The following METTL24 variants were observed in gnomAD, a reference collection of about 807,000 sequenced individuals.
METTL24 encodes the protein probable methyltransferase-like protein 24.
METTL24 carries 29 observed loss-of-function variants against 32.7 expected under a neutral mutation model. The ratio of observed to expected loss-of-function variants is 0.89; its 90% CI spans 0.66 to 1.21. The LOEUF (loss-of-function observed/expected upper bound fraction) is 1.21, where lower values mean the gene tolerates loss of function less well. Ranked by LOEUF, METTL24 falls within the 50% of genes most tolerant of loss-of-function variation. METTL24 has a pLI of 0.00. For synonymous variants in METTL24, 163 were observed against 179.5 expected (o/e 0.91, Z 0.73); for missense variants, 439 against 468.1 (o/e 0.94, Z 0.57).
At chr6:110,266,127 ACTC>A (rs1411720292) in intron 4 of METTL24, among the ~76,000 whole-genome samples, 1 of 151,488 alleles carries the variant, frequency 6.6e-6, no homozygotes, top group Non-Finnish European at 1.5e-5. Context: ...CTGGTCTTGA[ACTC>A]CTGGCATCAA....
At chr6:110,270,623 G>A (rs1770939492) in intron 4 of METTL24, among the ~76,000 whole-genome samples, 1 of 151,960 alleles carries the variant, frequency 6.6e-6, no homozygotes, top group African/African-American at 2.4e-5. Context: ...CCTAAATAAC[G>A]GCTTCCTTCA....
At position 110,246,365 on chromosome 6, in the gene METTL24, T is replaced by C. The variant is rs1584097716; in HGVS notation, c.787-105A>G. ...CTGAAGGAAACAGAATTTTTAAAAT[T>C]TTAGAGCTGAGGGTGGTTTTCAAGT... On this transcript the variant is annotated intron_variant, in intron 4 of 4. Transcript: ENST00000338882. The C allele has an allele frequency of 8.6e-6, 9 of 1,047,952 alleles. No homozygotes were observed. In the East Asian group the frequency reaches 1.8e-4, roughly 21 times the overall value. The allele number at this position is 1,047,952 out of a possible 1,614,324, so 64.9% of individuals were successfully genotyped here.
chr6:110,295,552 T>TA (rs1433963266), intron 4 of METTL24, among the ~76,000 whole-genome samples: 2 of 152,214 alleles, frequency 1.3e-5, no homozygotes, highest in East Asian at 3.8e-4. Context: ...GAATCTCAAT[T>TA]AATTCTCAGC....
intron 2 of METTL24, among the ~76,000 whole-genome samples, chr6:110,321,853 G>A (rs1366317573): frequency 1.3e-5 from 2 of 152,158 alleles, no homozygotes; most frequent in Non-Finnish European, 2.9e-5. Context: ...GAGGAAAAGC[G>A]CTTTGCTGCC....
intron 1 of METTL24, among the ~76,000 whole-genome samples, chr6:110,348,326 A>C (rs553597094): frequency 6.6e-6 from 1 of 152,384 alleles, no homozygotes; most frequent in African/African-American, 2.4e-5. Flanking sequence ...AAGTATGAAA[A>C]TATGAGCCCA....
At chr6:110,267,411 C>G (rs1312463869) in intron 4 of METTL24, among the ~76,000 whole-genome samples, 7 of 152,190 alleles carry the variant, frequency 4.6e-5, no homozygotes, top group African/African-American at 1.7e-4. Flanking sequence ...ATATATCACT[C>G]ATACGATAAC....
chr6:110,250,394 A>T (rs1164091086), intron 4 of METTL24, among the ~76,000 whole-genome samples: 1 of 151,938 alleles, frequency 6.6e-6, no homozygotes, highest in Admixed American at 6.6e-5. Context: ...TTTTATAAGG[A>T]CATCAGTCAG....
chr6:110,306,329 T>C (rs1052539662), intron 3 of METTL24, among the ~76,000 whole-genome samples: 9 of 151,272 alleles, frequency 5.9e-5, no homozygotes, highest in Admixed American at 3.9e-4. Flanking sequence ...AAATAAATAT[T>C]ATTTAAATAA....
intron 1 of METTL24, among the ~76,000 whole-genome samples, chr6:110,346,494 C>T (rs936108232): frequency 2.4e-5 from 2 of 83,326 alleles, no homozygotes; most frequent in Non-Finnish European, 4.8e-5. Context: ...ATATTATTCT[C>T]TCTCTCTCTC....
At chr6:110,290,618 A>G (rs985267906) in intron 4 of METTL24, among the ~76,000 whole-genome samples, 1 of 152,196 alleles carries the variant, frequency 6.6e-6, no homozygotes, top group Admixed American at 6.5e-5. Context: ...ACCCATTCAC[A>G]TATTTACAGA....
chr6:110,342,715 C>G (rs1270313289), intron 1 of METTL24, among the ~76,000 whole-genome samples: 1 of 152,188 alleles, frequency 6.6e-6, no homozygotes, highest in African/African-American at 2.4e-5. Flanking sequence ...TCCCATTCCC[C>G]TCTACCCCCA....
At chr6:110,325,412 T>A (rs1772000273) in intron 1 of METTL24, among the ~76,000 whole-genome samples, 1 of 152,216 alleles carries the variant, frequency 6.6e-6, no homozygotes, top group African/African-American at 2.4e-5. Flanking sequence ...TGTCTTCCAA[T>A]AAAGCTCCAT....
intron 1 of METTL24, among the ~76,000 whole-genome samples, chr6:110,352,215 C>A (rs370932944): frequency 3.9e-5 from 6 of 152,184 alleles, no homozygotes; most frequent in African/African-American, 1.4e-4. Context: ...CATGCCGTCA[C>A]TGAGCTTAGC....
rs117425033 is a variant in METTL24 at position 110,289,576 on chromosome 6, A to C, written c.786+9346T>G. 4.0e-4 allele frequency among the ~76,000 whole-genome samples: 61 copies of C among 152,244 alleles called. No individual in the cohort carries two copies. The East Asian group carries it at 0.011, about 27-fold the overall frequency. On this transcript the variant is annotated intron_variant, in intron 4 of 4. Coordinates refer to ENST00000338882, the MANE Select transcript of METTL24 (RefSeq NM_001123364.3). The stretch of plus-strand genomic sequence containing the variant: ...AAGAATTGGAAGCTAGTAGTGAGGA[A>C]TTTACCCTAACATAGGTCAGAGTGA...
At chr6:110,317,967 G>A (rs934657038) in intron 2 of METTL24, among the ~76,000 whole-genome samples, 3 of 152,148 alleles carry the variant, frequency 2.0e-5, no homozygotes, top group Non-Finnish European at 4.4e-5. Context: ...TAAAGCCCCA[G>A]TGAAAGGTTC....
At chr6:110,287,180 A>G (rs921647679) in intron 4 of METTL24, among the ~76,000 whole-genome samples, 4 of 152,222 alleles carry the variant, frequency 2.6e-5, no homozygotes, top group African/African-American at 9.6e-5. Flanking sequence ...ACATTTTGCT[A>G]CACCTCAAAT....
chr6:110,284,483 A>C (rs1771186469), intron 4 of METTL24, among the ~76,000 whole-genome samples: 1 of 152,132 alleles, frequency 6.6e-6, no homozygotes, highest in African/African-American at 2.4e-5. Flanking sequence ...TATTGGATGG[A>C]TGAATAGATG....
chr6:110,357,919 G>A lies in METTL24; in HGVS notation c.318+36C>T, dbSNP rs376063094. The A allele has an allele frequency of 1.5e-4, 174 of 1,176,900 alleles. No homozygotes were observed. In the African/African-American group the frequency reaches 2.4e-3, roughly 16 times the overall value. The allele number at this position is 1,176,900 out of a possible 1,614,324, so 72.9% of individuals were successfully genotyped here. A position where few individuals can be genotyped will look rare whatever the true frequency, so the allele number is the denominator to read the frequency against. On this transcript the variant is annotated intron_variant, in intron 1 of 4. Transcript: ENST00000338882. Reference sequence around the variant, plus strand: ...GTAGCGCGGTCGGGAGGGGGCTTCTGGTCCCAGGCCCAAGACCGACCGCTT... The same window carrying A: ...GTAGCGCGGTCGGGAGGGGGCTTCTAGTCCCAGGCCCAAGACCGACCGCTT...
intron 2 of METTL24, among the ~76,000 whole-genome samples, chr6:110,316,504 A>T (rs1771821857): frequency 6.6e-6 from 1 of 152,250 alleles, no homozygotes; most frequent in South Asian, 2.1e-4. Flanking sequence ...TTGCTGTCAC[A>T]GCATAGACCA....
Sources: gnomAD v4.1 joint callset for allele counts (sites outside exome capture counted in the v4.1 genomes callset) on GRCh38, gnomAD v4.1.1 for gene constraint, MANE v1.5 for transcripts, NCBI Gene and HGNC (gene_info 2026-07-23, HGNC 2026-07-21) for gene names.